Variants in ATXN1 observed in about 807,000 individuals in gnomAD.
ATXN1 encodes ataxin 1.
Under a neutral mutation model 56.4 loss-of-function variants are expected in ATXN1, and 8 were observed. The observed-to-expected ratio is 0.14, with a 90% CI of 0.08 to 0.26. ATXN1 has a LOEUF of 0.26. Among genes scored for constraint, ATXN1 ranks in the 10% least tolerant of loss-of-function variants. The probability of loss-of-function intolerance (pLI) is 1.00; values close to 1 mark genes in which losing one functional copy is unlikely to be tolerated. For missense variants in ATXN1, 987 were observed against 1,106.5 expected (o/e 0.89, Z 1.53); for synonymous variants, 514 against 494.6 (o/e 1.04, Z -0.52).
intron 6 of ATXN1, among the ~76,000 whole-genome samples, chr6:16,364,514 A>G (rs1280580169): frequency 1.3e-5 from 2 of 152,080 alleles, no homozygotes; most frequent in Non-Finnish European, 2.9e-5. Flanking sequence ...TGTGTTAGCC[A>G]GGATGGTCTC....
intron 6 of ATXN1, among the ~76,000 whole-genome samples, chr6:16,473,874 C>T (rs1760271119): frequency 6.6e-6 from 1 of 152,168 alleles, no homozygotes; most frequent in Non-Finnish European, 1.5e-5. Context: ...CTATGCTATC[C>T]CTGGGTCATC....
intron 7 of ATXN1, among the ~76,000 whole-genome samples, chr6:16,318,923 A>C (rs931649568): frequency 4.6e-5 from 7 of 152,164 alleles, no homozygotes; most frequent in Non-Finnish European, 8.8e-5. Flanking sequence ...GGGCCTTAAA[A>C]TGTGTGCCTT....
intron 4 of ATXN1, among the ~76,000 whole-genome samples, chr6:16,581,579 G>A (rs1354523793): frequency 1.3e-5 from 2 of 152,102 alleles, no homozygotes; most frequent in Non-Finnish European, 2.9e-5. Context: ...AAACAATGCT[G>A]AGTGGAAGGG....
chr6:16,513,956 G>A lies in ATXN1; in HGVS notation c.-299+8671C>T, dbSNP rs199883617. ...CTTTCCTGTTCTAGCCTAAATGCAGGGGAAAAAGATTTGGGGCTGAGGCAC... is the reference window on the plus strand; with the variant it reads ...CTTTCCTGTTCTAGCCTAAATGCAGAGGAAAAAGATTTGGGGCTGAGGCAC... On this transcript the variant is annotated intron_variant, in intron 5 of 7. Coordinates refer to ENST00000436367, the MANE Select transcript of ATXN1 (RefSeq NM_001128164.2). Among the ~76,000 whole-genome samples the A allele has an allele frequency of 1.4e-4, 22 of 152,268 alleles. No individual in the cohort carries two copies. The East Asian group carries it at 4.1e-3, about 28-fold the overall frequency.
Position 16,356,013 on chromosome 6 carries a change from C to T in ATXN1, c.-160-27543G>A, listed in dbSNP as rs148088236. Among the ~76,000 whole-genome samples, 125 of 152,362 alleles carry T rather than the reference C, an allele frequency of 8.2e-4. 1 individual carries two copies. Among genetic ancestry groups the T allele is most frequent in the African/African-American group, 2.9e-3 (121 of 41,584 alleles). ...CCATTGGTTGGGCTCGTTCCTTCCC[C>T]GCGACCATTCTCCTCCTGAGAGCTC... On this transcript the variant is annotated intron_variant, in intron 6 of 7. Coordinates refer to ENST00000436367, the MANE Select transcript of ATXN1 (RefSeq NM_001128164.2).
rs1760128554 is a variant in ATXN1 at position 16,302,357 on chromosome 6, G to C, written c.*3972C>G. On this transcript the variant is annotated 3_prime_UTR_variant, in exon 8 of 8. Transcript: ENST00000436367. Reference sequence around the variant, plus strand: ...AAAACATAGAGGCTCACAATTCCAAGTTAGAAATGGGATCAACAACAACAG... The same window carrying C: ...AAAACATAGAGGCTCACAATTCCAACTTAGAAATGGGATCAACAACAACAG... The C allele has an allele frequency of 6.6e-6, 1 of 152,460 alleles. No individual in the cohort carries two copies. The highest frequency in any genetic ancestry group is 1.5e-5 in the Non-Finnish European group (1 of 68,036). The allele number at this position is 152,460 out of a possible 1,614,324, so 9.4% of individuals were successfully genotyped here. A position where few individuals can be genotyped will look rare whatever the true frequency, so the allele number is the denominator to read the frequency against.
chr6:16,443,222 A>C lies in ATXN1; in HGVS notation c.-161+42750T>G, dbSNP rs189292383. On this transcript the variant is annotated intron_variant, in intron 6 of 7. Transcript: ENST00000436367. The stretch of plus-strand genomic sequence containing the variant: ...ATCTATTGGAGCAAAAAAAAAAAAA[A>C]AAAAAAAAAAACCTACCTAAATAGT... Among the ~76,000 whole-genome samples the C allele has an allele frequency of 9.2e-3, 1,388 of 150,968 alleles. 15 individuals carry two copies. The highest frequency in any genetic ancestry group is 0.016 in the Non-Finnish European group (1,054 of 67,706).
In ATXN1 at chr6:16,390,790, T is replaced by C. The variant is rs189654000; in HGVS notation, c.-160-62320A>G. ...AAGTGTCGGTTCTAGTTCCAATTCC[T>C]CTCCACTGCAGCATCTCAGATGTAA... On this transcript the variant is annotated intron_variant, in intron 6 of 7. Transcript: ENST00000436367. 3.4e-3 allele frequency among the ~76,000 whole-genome samples: 518 copies of C among 152,020 alleles called. 3 individuals carry two copies. Among genetic ancestry groups the C allele is most frequent in the Non-Finnish European group, 4.8e-3 (325 of 67,974 alleles).
intron 6 of ATXN1, among the ~76,000 whole-genome samples, chr6:16,349,243 G>A (rs1350531572): frequency 6.6e-6 from 1 of 152,152 alleles, no homozygotes; most frequent in Non-Finnish European, 1.5e-5. Flanking sequence ...GGTGGCTCAC[G>A]CCTGTAATCC....
intron 6 of ATXN1, among the ~76,000 whole-genome samples, chr6:16,413,099 A>T (rs1758832052): frequency 6.6e-6 from 1 of 152,242 alleles, no homozygotes; most frequent in Non-Finnish European, 1.5e-5. Context: ...GGGAAATAGC[A>T]CTTGCTGAGC....
At chr6:16,686,038 T>G (rs1469995211) in intron 2 of ATXN1, among the ~76,000 whole-genome samples, 1 of 151,784 alleles carries the variant, frequency 6.6e-6, no homozygotes, top group Non-Finnish European at 1.5e-5. Context: ...AAAAGTTCTG[T>G]TTTTTTTGAA....
intron 4 of ATXN1, among the ~76,000 whole-genome samples, chr6:16,579,117 T>C (rs1762477262): frequency 6.6e-6 from 1 of 152,200 alleles, no homozygotes; most frequent in South Asian, 2.1e-4. Context: ...TCCCTCTGTG[T>C]CATCGAAATA....
intron 6 of ATXN1, among the ~76,000 whole-genome samples, chr6:16,379,133 T>C (rs1288408851): frequency 6.6e-6 from 1 of 152,240 alleles, no homozygotes; most frequent in African/African-American, 2.4e-5. Context: ...GATTGGAGAC[T>C]ATTATTCTAA....
intron 3 of ATXN1, among the ~76,000 whole-genome samples, chr6:16,635,174 G>C (rs1231948542): frequency 1.3e-5 from 2 of 152,112 alleles, no homozygotes; most frequent in African/African-American, 2.4e-5. Flanking sequence ...GAGGGATGTA[G>C]GTTGCACCCT....
chr6:16,348,255 G>C (rs772553311), intron 6 of ATXN1, among the ~76,000 whole-genome samples: 5 of 152,096 alleles, frequency 3.3e-5, no homozygotes, highest in Non-Finnish European at 7.4e-5. Flanking sequence ...TATTCAGATA[G>C]GGTTTCATCA....
At chr6:16,708,055 G>C (rs1050200220) in intron 2 of ATXN1, among the ~76,000 whole-genome samples, 4 of 152,190 alleles carry the variant, frequency 2.6e-5, no homozygotes, top group African/African-American at 9.6e-5. Context: ...ATGTGGTGGG[G>C]GGGAAGAATG....
At chr6:16,697,096 A>G (rs1759180899) in intron 2 of ATXN1, among the ~76,000 whole-genome samples, 1 of 152,144 alleles carries the variant, frequency 6.6e-6, no homozygotes, top group South Asian at 2.1e-4. Context: ...CTAGTAACAG[A>G]GTGTTAGTAT....
chr6:16,723,193 A>G (rs774264321), intron 2 of ATXN1, among the ~76,000 whole-genome samples: 3 of 151,896 alleles, frequency 2.0e-5, no homozygotes, highest in Non-Finnish European at 2.9e-5. Context: ...TGGACTATTT[A>G]CTTTTCAGTG....
intron 6 of ATXN1, among the ~76,000 whole-genome samples, chr6:16,441,871 A>G (rs1759524479): frequency 1.3e-5 from 2 of 152,188 alleles, no homozygotes; most frequent in African/African-American, 4.8e-5. Context: ...AAAGACTCAG[A>G]AAAGGAACAT....
Sources: gnomAD v4.1 joint callset for allele counts (sites outside exome capture counted in the v4.1 genomes callset) on GRCh38, gnomAD v4.1.1 for gene constraint, MANE v1.5 for transcripts, NCBI Gene and HGNC (gene_info 2026-07-23, HGNC 2026-07-21) for gene names.